MED12L: variants seen among roughly 807,000 people sequenced by gnomAD.
MED12L encodes the protein mediator complex subunit 12L, also known as mediator of RNA polymerase II transcription subunit 12-like protein.
In MED12L, 60 loss-of-function variants were observed where a neutral mutation model predicts 281.3. The observed-to-expected ratio is 0.21, with a 90% CI of 0.17 to 0.26. The LOEUF (loss-of-function observed/expected upper bound fraction) is 0.26. Ranked by LOEUF, MED12L falls within the 10% of genes least tolerant of loss-of-function variation. The pLI, the probability that MED12L is intolerant of heterozygous loss-of-function variation, is 1.00. For missense variants in MED12L, 2,146 were observed against 2,680.9 expected, an observed-to-expected ratio of 0.80 and a Z score of 4.41; for synonymous variants, 974 against 987.2, an observed-to-expected ratio of 0.99 and a Z score of 0.25.
chr3:151,166,591 T>C (rs1481232495), intron 11 of MED12L, among the ~76,000 whole-genome samples: 1 of 152,002 alleles, frequency 6.6e-6, no homozygotes, highest in Non-Finnish European at 1.5e-5. Flanking sequence ...CAGGGCAGGC[T>C]GGAGACTCAA....
intron 17 of MED12L, among the ~76,000 whole-genome samples, chr3:151,350,414 A>G (rs1404222860): frequency 6.6e-6 from 1 of 152,048 alleles, no homozygotes; most frequent in Non-Finnish European, 1.5e-5. Flanking sequence ...AATACAAGGT[A>G]TTAATATTAA....
chr3:151,141,016 C>T (rs1047252072), intron 5 of MED12L, among the ~76,000 whole-genome samples: 16 of 152,178 alleles, frequency 1.1e-4, no homozygotes, highest in African/African-American at 2.9e-4. Flanking sequence ...TACAGGCACC[C>T]GCCACGACGC....
At chr3:151,154,080 A>T (rs1000463772) in intron 5 of MED12L, among the ~76,000 whole-genome samples, 25 of 152,216 alleles carry the variant, frequency 1.6e-4, no homozygotes, top group African/African-American at 6.0e-4. Flanking sequence ...CTAGTCGTGA[A>T]TAATTATAAA....
intron 16 of MED12L, among the ~76,000 whole-genome samples, chr3:151,224,302 T>C (rs1329201617): frequency 1.3e-5 from 2 of 152,226 alleles, no homozygotes; most frequent in East Asian, 1.9e-4. Flanking sequence ...GCTCTGGATC[T>C]TTTTCTATGA....
intron 13 of MED12L, among the ~76,000 whole-genome samples, chr3:151,190,457 C>T (rs1723827285): frequency 6.6e-6 from 1 of 152,112 alleles, no homozygotes; most frequent in Non-Finnish European, 1.5e-5. Context: ...CAGGTGTGAG[C>T]CACTGCACCC....
chr3:151,120,360 C>T (rs951539501), intron 3 of MED12L, among the ~76,000 whole-genome samples: 4 of 152,176 alleles, frequency 2.6e-5, no homozygotes, highest in Admixed American at 6.5e-5. Context: ...CAGAATTATA[C>T]AGTCTGAATT....
chr3:151,421,478 T>C (rs1349688325), intron 43 of MED12L, among the ~76,000 whole-genome samples: 1 of 152,106 alleles, frequency 6.6e-6, no homozygotes, highest in Non-Finnish European at 1.5e-5. Context: ...TGGCGCAATC[T>C]TGGCTCACTG....
chr3:151,181,576 CTTTTTTTTTT>C (rs57658133), intron 11 of MED12L, among the ~76,000 whole-genome samples: 3 of 47,078 alleles, frequency 6.4e-5, no homozygotes, highest in Non-Finnish European at 8.3e-5. Flanking sequence ...AGCTCATTGT[CTTTTTTTTTT>C]TTTTTTTTTT....
chr3:151,318,986 G>A (rs776368092), intron 16 of MED12L, among the ~76,000 whole-genome samples: 3 of 152,100 alleles, frequency 2.0e-5, no homozygotes, highest in Non-Finnish European at 2.9e-5. Flanking sequence ...GCCCGGGACG[G>A]TAGCCTAACA....
At chr3:151,153,864 C>A (rs573429626) in intron 5 of MED12L, among the ~76,000 whole-genome samples, 2 of 152,122 alleles carry the variant, frequency 1.3e-5, no homozygotes, top group Non-Finnish European at 2.9e-5. Context: ...CTACCTCACC[C>A]GGCCTTCTGT....
chr3:151,393,353 T>C (rs1053095352), intron 38 of MED12L, among the ~76,000 whole-genome samples: 1 of 152,190 alleles, frequency 6.6e-6, no homozygotes, highest in Non-Finnish European at 1.5e-5. Flanking sequence ...ATTTTACATA[T>C]GAAAGAAGCA....
intron 5 of MED12L, among the ~76,000 whole-genome samples, chr3:151,149,844 T>G (rs544635593): frequency 2.0e-4 from 30 of 152,330 alleles, no homozygotes; most frequent in Admixed American, 1.7e-3. Context: ...CCACTTTGTT[T>G]GCTCATTTAT....
At chr3:151,254,785 C>T (rs961777920) in intron 16 of MED12L, among the ~76,000 whole-genome samples, 1 of 152,130 alleles carries the variant, frequency 6.6e-6, no homozygotes, top group African/African-American at 2.4e-5. Context: ...TACATTTCAC[C>T]GGAGAGACCT....
chr3:151,189,584 C>CT (rs1238879083), intron 13 of MED12L, among the ~76,000 whole-genome samples: 1 of 152,192 alleles, frequency 6.6e-6, no homozygotes, highest in Non-Finnish European at 1.5e-5. Context: ...CATTTACTGT[C>CT]TGTCAGAAAA....
intron 12 of MED12L, among the ~76,000 whole-genome samples, chr3:151,187,835 C>T (rs1723474588): frequency 6.6e-6 from 1 of 152,136 alleles, no homozygotes; most frequent in African/African-American, 2.4e-5. Flanking sequence ...AAAAACAGTT[C>T]AATAATATAT....
chr3:151,101,698 C>A (rs1721412599), intron 2 of MED12L, among the ~76,000 whole-genome samples: 1 of 122,994 alleles, frequency 8.1e-6, no homozygotes, highest in Non-Finnish European at 1.7e-5. Flanking sequence ...GGAGCCCCAG[C>A]AGGTTGGGGG....
At chr3:151,336,805 G>A in intron 16 of MED12L, 6 of 235,538 alleles carry the variant, frequency 2.5e-5, no homozygotes, top group East Asian at 2.5e-4. Context: ...GGTGAGTCAT[G>A]GTATCTAATA....
At chr3:151,152,289 A>G (rs896297279) in intron 5 of MED12L, among the ~76,000 whole-genome samples, 5 of 151,646 alleles carry the variant, frequency 3.3e-5, no homozygotes, top group African/African-American at 1.2e-4. Flanking sequence ...TTTTGTAACA[A>G]TGATGTCTCA....
intron 39 of MED12L, among the ~76,000 whole-genome samples, chr3:151,403,014 CTTTTCTTTTTTCTTT>C (rs1715873551): frequency 6.9e-6 from 1 of 145,844 alleles, no homozygotes; most frequent in Non-Finnish European, 1.5e-5. Context: ...CTTTTTCTTT[CTTTTCTTTTTTCTTT>C]TTTTTTTTAA....
Sources: allele counts gnomAD v4.1 joint callset (sites outside exome capture counted in the v4.1 genomes callset), GRCh38; gene constraint gnomAD v4.1.1; transcripts MANE v1.5; gene names NCBI Gene and HGNC (gene_info 2026-07-23, HGNC 2026-07-21).